Variants in BABAM2 observed in about 807,000 individuals in gnomAD.
BABAM2 encodes BRISC and BRCA1-A complex member 2.
A neutral mutation model predicts 54.7 loss-of-function variants in BABAM2; 31 were observed. That is an observed-to-expected ratio of 0.57 (90% CI 0.43 to 0.77). The LOEUF is 0.77. BABAM2 is among the 30% of genes least tolerant of loss of function. The probability of loss-of-function intolerance (pLI) is 0.00; values close to 1 mark genes in which losing one functional copy is unlikely to be tolerated. For synonymous variants in BABAM2, 167 were observed against 162.9 expected (o/e 1.03, Z -0.19); for missense variants, 364 against 455.8 (o/e 0.80, Z 1.83).
chr2:28,273,873 T>C (rs1685646879), intron 10 of BABAM2, among the ~76,000 whole-genome samples: 1 of 152,208 alleles, frequency 6.6e-6, no homozygotes, highest in South Asian at 2.1e-4. Context: ...AGCTTCCTCG[T>C]CTGTGAAATG....
intron 6 of BABAM2, among the ~76,000 whole-genome samples, chr2:28,087,743 G>A (rs1426203575): frequency 1.3e-5 from 2 of 151,974 alleles, no homozygotes; most frequent in African/African-American, 2.4e-5. Context: ...CTGCCTCCTG[G>A]GTTCAAGCGA....
chr2:27,937,033 A>G lies in BABAM2; in HGVS notation c.205+7125A>G, dbSNP rs945554762. Among the ~76,000 whole-genome samples the G allele has an allele frequency of 7.9e-5, 12 of 152,210 alleles. No individual in the cohort carries two copies. In the East Asian group the frequency reaches 2.1e-3, roughly 27 times the overall value. On this transcript the variant is annotated intron_variant, in intron 3 of 11. Transcript: ENST00000379624. ...AATGCTATTATACACTTAATAGACT[A>G]TAGTATAGTAAATATAACTCTTATA...
chr2:28,120,845 A>C (rs1014306000), intron 6 of BABAM2, among the ~76,000 whole-genome samples: 1 of 152,230 alleles, frequency 6.6e-6, no homozygotes, highest in Non-Finnish European at 1.5e-5. Context: ...AAGTGAATTT[A>C]CAAAAAGAGT....
At chr2:28,081,675 T>A (rs1393346843) in intron 6 of BABAM2, among the ~76,000 whole-genome samples, 1 of 152,180 alleles carries the variant, frequency 6.6e-6, no homozygotes, top group Non-Finnish European at 1.5e-5. Flanking sequence ...CTTTCCTCTG[T>A]TTCCCTCACT....
chr2:27,995,670 C>G lies in BABAM2; in HGVS notation c.300+7583C>G, dbSNP rs1267022401. Among the ~76,000 whole-genome samples, 1 of 152,178 alleles carries G rather than the reference C, an allele frequency of 6.6e-6. No homozygotes were observed. Among genetic ancestry groups the G allele is most frequent in the African/African-American group, 2.4e-5 (1 of 41,446 alleles). On this transcript the variant is annotated intron_variant, in intron 4 of 11. Coordinates refer to ENST00000379624, the MANE Select transcript of BABAM2 (RefSeq NM_199191.3). This position sits in a 1 kb window ranked among gnomAD's most constrained non-coding sequence, Gnocchi z 4.1. ...TCTCGGCTCACTGCAAGCTCCGCCT[C>G]CCGGGTTCACGCCATTCTCCTGCCT...
At chr2:28,046,246 G>T (rs1239296420) in intron 6 of BABAM2, among the ~76,000 whole-genome samples, 2 of 152,174 alleles carry the variant, frequency 1.3e-5, no homozygotes, top group Non-Finnish European at 2.9e-5. Flanking sequence ...CCTGAGGTCA[G>T]GAGTTTGAGA....
chr2:28,167,644 A>C (rs939789450), intron 7 of BABAM2, among the ~76,000 whole-genome samples: 1 of 151,850 alleles, frequency 6.6e-6, no homozygotes, highest in Non-Finnish European at 1.5e-5. Flanking sequence ...CAGTGAGCCG[A>C]GATCACGCCA....
At chr2:28,131,051 T>G in intron 7 of BABAM2, among the ~76,000 whole-genome samples, 1 of 21,176 alleles carries the variant, frequency 4.7e-5, no homozygotes, top group African/African-American at 1.2e-4. Context: ...CCAAAGAGTG[T>G]TTTATTATTA....
chr2:28,301,527 A>G (rs1025595813), intron 11 of BABAM2, among the ~76,000 whole-genome samples: 3 of 152,184 alleles, frequency 2.0e-5, no homozygotes, highest in African/African-American at 7.2e-5. Flanking sequence ...ACTCCTCCCT[A>G]TTGGATGGAC....
chr2:28,208,584 CCTCCTTTT>C (rs1679124856), intron 7 of BABAM2, among the ~76,000 whole-genome samples: 2 of 151,884 alleles, frequency 1.3e-5, no homozygotes, highest in Admixed American at 1.3e-4. Context: ...TTCTTCCTTC[CCTCCTTTT>C]CTCCTTCATT....
chr2:27,955,815 AG>A (rs1270097761), intron 3 of BABAM2, among the ~76,000 whole-genome samples: 2 of 152,238 alleles, frequency 1.3e-5, no homozygotes, highest in Admixed American at 6.5e-5. Flanking sequence ...CTATACGAAC[AG>A]AGATAGTTAA....
intron 10 of BABAM2, among the ~76,000 whole-genome samples, chr2:28,265,060 A>T (rs1651335076): frequency 6.6e-6 from 1 of 152,210 alleles, no homozygotes; most frequent in South Asian, 2.1e-4. Flanking sequence ...ACAGGGAAGG[A>T]GTGGGAGTAA....
At chr2:28,199,869 A>T (rs1357098539) in intron 7 of BABAM2, among the ~76,000 whole-genome samples, 1 of 152,158 alleles carries the variant, frequency 6.6e-6, no homozygotes, top group Non-Finnish European at 1.5e-5. Context: ...AGTGATCCTT[A>T]TCTAGGATTG....
At chr2:27,947,946 C>A (rs1372119405) in intron 3 of BABAM2, among the ~76,000 whole-genome samples, 1 of 152,030 alleles carries the variant, frequency 6.6e-6, no homozygotes, top group Non-Finnish European at 1.5e-5. Flanking sequence ...TCCTGTAGGT[C>A]TATATATCTA....
chr2:27,969,688 C>G (rs10188108), intron 3 of BABAM2, among the ~76,000 whole-genome samples: 112,377 of 151,894 alleles, frequency 0.74, 42,578 homozygotes, highest in Middle Eastern at 0.89. Flanking sequence ...GGGCTCGGGA[C>G]GGGGGAGGAG....
rs1275872047 is a variant in BABAM2 at position 28,281,248 on chromosome 2, A to G, written c.935-17090A>G. ...GGGCTGGTCCCTATGGAGGAGGACA[A>G]GGGGCACAATTAAGGTAATTAAACT... is the stretch of plus-strand genomic sequence containing the variant. On this transcript the variant is annotated intron_variant, in intron 10 of 11. Transcript: ENST00000379624. Among the ~76,000 whole-genome samples, 3 of 152,212 alleles carry G rather than the reference A, an allele frequency of 2.0e-5. No individual in the cohort carries two copies. The East Asian group carries it at 5.8e-4, about 29-fold the overall frequency.
At chr2:28,049,769 A>C (rs955998235) in intron 6 of BABAM2, among the ~76,000 whole-genome samples, 1 of 152,200 alleles carries the variant, frequency 6.6e-6, no homozygotes, top group Non-Finnish European at 1.5e-5. Context: ...GGGTGTCTAG[A>C]CTTGTTCAGG....
intron 5 of BABAM2, among the ~76,000 whole-genome samples, chr2:28,029,820 T>C (rs1379803070): frequency 6.6e-6 from 1 of 152,230 alleles, no homozygotes; most frequent in East Asian, 1.9e-4. Context: ...CCATCAACAG[T>C]GCATGGTTCA....
chr2:27,898,618 T>C lies in BABAM2; in HGVS notation c.128+3934T>C, dbSNP rs186151445. 6.6e-5 allele frequency among the ~76,000 whole-genome samples: 10 copies of C among 152,270 alleles called. No individual in the cohort carries two copies. The East Asian group carries it at 1.9e-3, about 29-fold the overall frequency. ...AATATTATTTAACCATAAAAAGTAG[T>C]GAAGTACTGATTCATAGTACAACAT... On this transcript the variant is annotated intron_variant, in intron 2 of 11. Transcript: ENST00000379624.
Sources: allele counts gnomAD v4.1 joint callset (sites outside exome capture counted in the v4.1 genomes callset), GRCh38; gene constraint gnomAD v4.1.1; non-coding constraint Gnocchi (gnomAD v3.1); transcripts MANE v1.5; gene names NCBI Gene and HGNC (gene_info 2026-07-23, HGNC 2026-07-21).